CLVS1: variants seen among roughly 807,000 people sequenced by gnomAD.
CLVS1 encodes the protein clavesin-1.
Under a neutral mutation model 33.1 loss-of-function variants are expected in CLVS1, and 10 were observed. The observed-to-expected ratio is 0.30, with a 90% CI of 0.19 to 0.51. The LOEUF (loss-of-function observed/expected upper bound fraction) is 0.51, where lower values mean the gene tolerates loss of function less well. Ranked by LOEUF, CLVS1 falls within the 20% of genes least tolerant of loss-of-function variation. The probability of loss-of-function intolerance (pLI) is 0.97; values close to 1 mark genes in which losing one functional copy is unlikely to be tolerated. For synonymous variants in CLVS1, 163 were observed against 166.1 expected (o/e 0.98, Z 0.14); for missense variants, 343 against 433.4 (o/e 0.79, Z 1.85).
Position 61,501,343 on chromosome 8 carries a change from A to G in CLVS1, c.*1801A>G, listed in dbSNP as rs1240459500. ...ACTTTGCAACAGTAATACCATTTCT[A>G]GCTTTTCAATTGGCAATACTTAGAA... On this transcript the variant is annotated 3_prime_UTR_variant, in exon 6 of 6. Coordinates refer to ENST00000325897, the MANE Select transcript of CLVS1 (RefSeq NM_173519.3). 1.3e-5 allele frequency: 2 copies of G among 152,170 alleles called. No homozygotes were observed. The highest frequency in any genetic ancestry group is 4.8e-5 in the African/African-American group (2 of 41,456). The allele number at this position is 152,170 out of a possible 1,614,324, so 9.4% of individuals were successfully genotyped here.
chr8:61,349,716 C>A (rs948577159), intron 2 of CLVS1, among the ~76,000 whole-genome samples: 2 of 151,916 alleles, frequency 1.3e-5, no homozygotes, highest in Non-Finnish European at 2.9e-5. Context: ...GTTCTTGATC[C>A]CAAACTCCCA....
the CLVS1 span, among the ~76,000 whole-genome samples, chr8:61,003,463 A>G: frequency 6.6e-6 from 1 of 152,162 alleles, no homozygotes; most frequent in East Asian, 1.9e-4. Context: ...GCAGGAAGAT[A>G]TCTCTGAGAA....
chr8:61,463,717 C>T (rs1462672735), intron 5 of CLVS1, among the ~76,000 whole-genome samples: 1 of 151,942 alleles, frequency 6.6e-6, no homozygotes, highest in African/African-American at 2.4e-5. Flanking sequence ...AAAACAATTA[C>T]AATAGTAACA....
At chr8:61,272,899 A>AT (rs1314209558) in intron 2 of CLVS1, among the ~76,000 whole-genome samples, 2 of 150,490 alleles carry the variant, frequency 1.3e-5, no homozygotes, top group Non-Finnish European at 3.0e-5. Flanking sequence ...ATTCTTCTAA[A>AT]TTTTTTTCAA....
the CLVS1 span, among the ~76,000 whole-genome samples, chr8:61,050,305 C>A: frequency 2.0e-5 from 3 of 152,198 alleles, no homozygotes; most frequent in Non-Finnish European, 2.9e-5. Flanking sequence ...CTCATCTCTT[C>A]ATTCTTTCTG....
chr8:61,034,744 G>T, the CLVS1 span, among the ~76,000 whole-genome samples: 1 of 152,170 alleles, frequency 6.6e-6, no homozygotes, highest in Non-Finnish European at 1.5e-5. Flanking sequence ...TACTTGCAAT[G>T]GCGGTGAAAA....
chr8:61,487,559 T>G (rs185252316), intron 5 of CLVS1, among the ~76,000 whole-genome samples: 1 of 152,332 alleles, frequency 6.6e-6, no homozygotes, highest in African/African-American at 2.4e-5. Context: ...GGGATTCACT[T>G]TTGCTTAAAC....
intron 2 of CLVS1, among the ~76,000 whole-genome samples, chr8:61,254,932 A>G (rs1372764285): frequency 6.6e-6 from 1 of 152,010 alleles, no homozygotes; most frequent in African/African-American, 2.4e-5. Flanking sequence ...CTCTCCGACA[A>G]TCCCCAGTGA....
the CLVS1 span, among the ~76,000 whole-genome samples, chr8:61,049,598 T>C: frequency 1.4e-4 from 21 of 152,242 alleles, no homozygotes; most frequent in Non-Finnish European, 1.9e-4. Context: ...CTACTGGGAC[T>C]ATCTTCTGCA....
At chr8:61,384,764 GA>G (rs1468212772) in intron 3 of CLVS1, among the ~76,000 whole-genome samples, 2 of 152,172 alleles carry the variant, frequency 1.3e-5, no homozygotes, top group Non-Finnish European at 2.9e-5. Context: ...TCAGAGGAAA[GA>G]AAAGACCATT....
chr8:61,444,043 A>G (rs976950496), intron 3 of CLVS1, among the ~76,000 whole-genome samples: 2 of 152,136 alleles, frequency 1.3e-5, no homozygotes, highest in African/African-American at 2.4e-5. Flanking sequence ...TATTGTTGGT[A>G]TAGAGAAATA....
intron 1 of CLVS1, among the ~76,000 whole-genome samples, chr8:61,090,481 G>A (rs561616703): frequency 1.3e-5 from 2 of 152,048 alleles, no homozygotes; most frequent in African/African-American, 2.4e-5. Context: ...TCGATAGGCA[G>A]AAAACAGGCT....
At chr8:61,261,765 CTTGGACT>C (rs1412341330) in intron 2 of CLVS1, among the ~76,000 whole-genome samples, 1 of 152,098 alleles carries the variant, frequency 6.6e-6, no homozygotes, top group Admixed American at 6.5e-5. Context: ...ATGTCTTGAT[CTTGGACT>C]TTGTAGCCTT....
chr8:61,308,124 T>C (rs1012777861), intron 2 of CLVS1, among the ~76,000 whole-genome samples: 1 of 152,256 alleles, frequency 6.6e-6, no homozygotes, highest in African/African-American at 2.4e-5. Context: ...ATACTGCACA[T>C]ATATAGACTC....
At chr8:61,357,706 C>A (rs962793415) in intron 2 of CLVS1, among the ~76,000 whole-genome samples, 2 of 151,622 alleles carry the variant, frequency 1.3e-5, no homozygotes, top group Admixed American at 6.6e-5. Context: ...AGGGTTTCAG[C>A]ATGTTGGCCA....
intron 2 of CLVS1, among the ~76,000 whole-genome samples, chr8:61,270,919 G>T (rs1223289100): frequency 6.6e-6 from 1 of 151,154 alleles, no homozygotes; most frequent in Non-Finnish European, 1.5e-5. Flanking sequence ...TTCTTTATTA[G>T]TCTTGCTAGC....
chr8:61,139,357 G>A (rs563835625), intron 2 of CLVS1, among the ~76,000 whole-genome samples: 6 of 152,252 alleles, frequency 3.9e-5, no homozygotes, highest in Non-Finnish European at 7.3e-5. Flanking sequence ...CCGAAAATGA[G>A]CAGGTGATAG....
chr8:61,322,503 G>C (rs1213166090), intron 2 of CLVS1, among the ~76,000 whole-genome samples: 1 of 152,154 alleles, frequency 6.6e-6, no homozygotes, highest in East Asian at 1.9e-4. Context: ...TGGGTGCCTA[G>C]AGTTTGCTTA....
chr8:61,407,649 G>C (rs1357258321), intron 3 of CLVS1, among the ~76,000 whole-genome samples: 1 of 152,164 alleles, frequency 6.6e-6, no homozygotes, highest in Admixed American at 6.5e-5. Context: ...TCTCAAGAAA[G>C]AAATTGAATG....
Sources: gnomAD v4.1 joint callset for allele counts (sites outside exome capture counted in the v4.1 genomes callset) on GRCh38, gnomAD v4.1.1 for gene constraint, MANE v1.5 for transcripts, NCBI Gene and HGNC (gene_info 2026-07-23, HGNC 2026-07-21) for gene names.